KIF2A: variants seen among roughly 807,000 people sequenced by gnomAD.
KIF2A encodes the protein kinesin-like protein KIF2A.
A neutral mutation model predicts 100.2 loss-of-function variants in KIF2A; 22 were observed. The ratio of observed to expected loss-of-function variants is 0.22; its 90% CI spans 0.16 to 0.31. KIF2A has a LOEUF of 0.31. Among genes scored for constraint, KIF2A ranks in the 10% least tolerant of loss-of-function variants. The probability of loss-of-function intolerance (pLI) is 1.00; values close to 1 mark genes in which losing one functional copy is unlikely to be tolerated. For missense variants in KIF2A, 495 were observed against 898.7 expected, an observed-to-expected ratio of 0.55 and a Z score of 5.74; for synonymous variants, 268 against 285.9, an observed-to-expected ratio of 0.94 and a Z score of 0.63.
chr5:62,348,885 C>T (rs1747707138), intron 3 of KIF2A, among the ~76,000 whole-genome samples: 1 of 152,092 alleles, frequency 6.6e-6, no homozygotes, highest in African/African-American at 2.4e-5. Flanking sequence ...AAATACTATG[C>T]TGGACAAAAT....
At position 62,373,673 on chromosome 5, in the gene KIF2A, T is replaced by C; in HGVS notation, c.1761-14T>C. ...GAGTGTTTTTAACTTTAGATACCTC[T>C]TATGTATTTATAGGGTCAAAGAATT... On this transcript the variant is annotated splice_polypyrimidine_tract_variant and intron_variant, in intron 17 of 20. Coordinates refer to ENST00000407818, the MANE Select transcript of KIF2A (RefSeq NM_001098511.3). The C allele has an allele frequency of 6.2e-7, 1 of 1,606,704 alleles. No homozygotes were observed. Among genetic ancestry groups the C allele is most frequent in the Non-Finnish European group, 8.5e-7 (1 of 1,173,974 alleles).
chr5:62,309,063 A>G (rs896537758), intron 1 of KIF2A, among the ~76,000 whole-genome samples: 3 of 152,100 alleles, frequency 2.0e-5, no homozygotes, highest in African/African-American at 7.2e-5. Context: ...CTTTACACTC[A>G]TAAGTATGAG....
chr5:62,369,985 A>T (rs1369022926), intron 16 of KIF2A, among the ~76,000 whole-genome samples: 1 of 152,200 alleles, frequency 6.6e-6, no homozygotes, highest in Non-Finnish European at 1.5e-5. Flanking sequence ...TAGACAGCTA[A>T]TGACCATGTC....
At chr5:62,358,344 T>A in intron 9 of KIF2A, 45 bp downstream of exon 9, 1 of 1,344,906 alleles carries the variant, frequency 7.4e-7, no homozygotes, top group Non-Finnish European at 1.0e-6. Flanking sequence ...TTATGCCATG[T>A]GGTCATCAGC....
chr5:62,337,639 C>T (rs772339346), intron 1 of KIF2A, among the ~76,000 whole-genome samples: 5 of 151,990 alleles, frequency 3.3e-5, no homozygotes, highest in Non-Finnish European at 4.4e-5. Flanking sequence ...TAAAGACCAG[C>T]GTGGTCAACA....
At chr5:62,340,440 G>C (rs1401055387) in intron 1 of KIF2A, among the ~76,000 whole-genome samples, 1 of 152,152 alleles carries the variant, frequency 6.6e-6, no homozygotes, top group Admixed American at 6.5e-5. Flanking sequence ...AGTTTTCTCA[G>C]GTGGATCAGA....
intron 3 of KIF2A, among the ~76,000 whole-genome samples, chr5:62,348,451 G>C (rs1747684596): frequency 1.3e-5 from 2 of 152,098 alleles, no homozygotes; most frequent in African/African-American, 4.8e-5. Context: ...CCATTTGCTT[G>C]GTGTTTGTTG....
intron 16 of KIF2A, among the ~76,000 whole-genome samples, chr5:62,368,323 G>C (rs1741173372): frequency 6.6e-6 from 1 of 151,448 alleles, no homozygotes; most frequent in African/African-American, 2.4e-5. Flanking sequence ...GAGTAACATA[G>C]GTAGCTGATT....
chr5:62,339,282 C>T (rs115877461), intron 1 of KIF2A, among the ~76,000 whole-genome samples: 1 of 86,898 alleles, frequency 1.2e-5, no homozygotes, highest in Non-Finnish European at 2.6e-5. Context: ...CACTCATCAC[C>T]AAGGGGATGG....
chr5:62,374,451 T>C (rs1741452827), intron 18 of KIF2A, among the ~76,000 whole-genome samples: 1 of 152,192 alleles, frequency 6.6e-6, no homozygotes, highest in Non-Finnish European at 1.5e-5. Context: ...CATTCATTTT[T>C]TTCCCTTAGA....
intron 8 of KIF2A, 71 bp from the exon 9 acceptor site, chr5:62,358,066 T>G: frequency 8.5e-7 from 1 of 1,181,854 alleles, no homozygotes; most frequent in South Asian, 1.7e-5. Flanking sequence ...TCTTACTACT[T>G]AAAATAATTT....
At chr5:62,371,422 T>C (rs577539667) in intron 16 of KIF2A, among the ~76,000 whole-genome samples, 1 of 152,342 alleles carries the variant, frequency 6.6e-6, no homozygotes, top group Admixed American at 6.5e-5. Flanking sequence ...TATGAAGATA[T>C]TGATACTTGT....
chr5:62,353,412 A>G (rs200767176), intron 6 of KIF2A, 37 bp downstream of exon 6: 1 of 1,052,410 alleles, frequency 9.5e-7, no homozygotes, highest in Non-Finnish European at 1.4e-6. Context: ...TTATGTACCA[A>G]CCAGAGATTA....
intron 1 of KIF2A, among the ~76,000 whole-genome samples, chr5:62,321,255 T>G (rs1370374332): frequency 6.6e-6 from 1 of 152,198 alleles, no homozygotes; most frequent in African/African-American, 2.4e-5. Flanking sequence ...AACTGAAAAT[T>G]GTTTTCAGTT....
chr5:62,311,726 G>A (rs998536556), intron 1 of KIF2A: 1 of 152,146 alleles, frequency 6.6e-6, no homozygotes, highest in Admixed American at 6.5e-5. Flanking sequence ...TGATTATGGG[G>A]GTGGGATGGA....
chr5:62,376,401 GT>G (rs201229170), intron 18 of KIF2A, among the ~76,000 whole-genome samples: 1 of 140,894 alleles, frequency 7.1e-6, no homozygotes, highest in Non-Finnish European at 1.6e-5. Context: ...GATCGGAGAA[GT>G]TTTTTTTGTT....
At chr5:62,348,431 T>C (rs1053700342) in intron 3 of KIF2A, among the ~76,000 whole-genome samples, 3 of 152,184 alleles carry the variant, frequency 2.0e-5, no homozygotes, top group Non-Finnish European at 2.9e-5. Context: ...TCAGGAGATA[T>C]AGATCAAAAC....
Position 62,386,847 on chromosome 5 carries a change from C to T in KIF2A, c.*1278C>T, listed in dbSNP as rs1350896388. Among the ~76,000 whole-genome samples, 3 of 152,196 alleles carry T rather than the reference C, an allele frequency of 2.0e-5. No individual in the cohort carries two copies. The highest frequency in any genetic ancestry group is 7.2e-5 in the African/African-American group (3 of 41,456). ...CTACTCCAAGGAAGAAAACTGGCCA[C>T]TTTTCATGTAAATATTTTGTTCAAA... On this transcript the variant is annotated 3_prime_UTR_variant, in exon 21 of 21. Transcript: ENST00000407818.
At chr5:62,368,230 C>A (rs1422911020) in intron 16 of KIF2A, among the ~76,000 whole-genome samples, 1 of 151,752 alleles carries the variant, frequency 6.6e-6, no homozygotes, top group African/African-American at 2.4e-5. Context: ...CCTGATGTAA[C>A]CCATGGATTA....
Sources: gnomAD v4.1 joint callset for allele counts (sites outside exome capture counted in the v4.1 genomes callset) on GRCh38, gnomAD v4.1.1 for gene constraint, MANE v1.5 for transcripts, NCBI Gene and HGNC (gene_info 2026-07-23, HGNC 2026-07-21) for gene names.